Variants in ARFGAP1 observed in about 807,000 individuals in gnomAD.
ARFGAP1 encodes ADP-ribosylation factor GTPase-activating protein 1.
ARFGAP1 carries 26 observed loss-of-function variants against 54.0 expected under a neutral mutation model. The ratio of observed to expected loss-of-function variants is 0.48; its 90% CI spans 0.35 to 0.67. The LOEUF is 0.67. Ranked by LOEUF, ARFGAP1 falls within the 30% of genes least tolerant of loss-of-function variation. ARFGAP1 has a pLI of 0.00. For synonymous variants in ARFGAP1, 248 were observed against 211.9 expected, an observed-to-expected ratio of 1.17 and a Z score of -1.48; for missense variants, 525 against 535.8, an observed-to-expected ratio of 0.98 and a Z score of 0.20.
At chr20:63,275,506 A>G in intron 1 of ARFGAP1, 71 bp from the exon 2 acceptor site, 1 of 1,451,418 alleles carries the variant, frequency 6.9e-7, no homozygotes, top group South Asian at 1.2e-5. Flanking sequence ...GTGTTTTTGG[A>G]CAGACGTTAT....
Position 63,277,816 on chromosome 20 carries a change from C to T in ARFGAP1, c.444-301C>T, listed in dbSNP as rs570529081. 1.2e-3 allele frequency among the ~76,000 whole-genome samples: 178 copies of T among 152,368 alleles called. 1 individual carries two copies. Among genetic ancestry groups the T allele is most frequent in the African/African-American group, 4.0e-3 (165 of 41,584 alleles). On this transcript the variant is annotated intron_variant, in intron 5 of 12. Transcript: ENST00000370283. ...GAAGGCTTTGCACTGCGGGCAACTC[C>T]GGCTTGATTCCAGGCCCTCGGCCCT...
intron 6 of ARFGAP1, 39 bp from the exon 7 acceptor site, chr20:63,278,860 A>T: frequency 6.2e-7 from 1 of 1,606,676 alleles, no homozygotes; most frequent in Non-Finnish European, 8.5e-7. Context: ...AGCAGGGTTC[A>T]TGCCAGCATC....
At chr20:63,279,441 G>A (rs979934666) in intron 7 of ARFGAP1, 15 of 336,144 alleles carry the variant, frequency 4.5e-5, no homozygotes, top group South Asian at 3.0e-4. Context: ...CCTGACTTCA[G>A]GTGATCTGTC....
chr20:63,285,024 CAGCG>C (rs1280866080), intron 10 of ARFGAP1, 102 bp downstream of exon 10: 44 of 1,399,526 alleles, frequency 3.1e-5, no homozygotes, highest in Middle Eastern at 3.5e-4. Context: ...AGCTGGGACT[CAGCG>C]AGGCCAAGCC....
intron 5 of ARFGAP1, 73 bp from the exon 6 acceptor site, chr20:63,278,044 C>CA (rs1307846980): frequency 7.1e-7 from 1 of 1,408,872 alleles, no homozygotes; most frequent in African/African-American, 1.4e-5. Context: ...CCACATGGTT[C>CA]TGGGGGTGCT....
chr20:63,287,693 C>T lies in ARFGAP1; in HGVS notation c.1041C>T (p.Asp347=). Reference sequence around the variant, plus strand: ...AGACCCGCAAGTCCCCGAGCAGCGACAGCTGGACGTGCGCGGACACCTCCA... The same window carrying T: ...AGACCCGCAAGTCCCCGAGCAGCGATAGCTGGACGTGCGCGGACACCTCCA... ...PTKTRKSPSS[D]SWTCADTSTE... The change falls in exon 13 of 13, where the codon GAC becomes GAT. Residue 347 remains aspartate (D), a synonymous_variant. Transcript: ENST00000370283. The T allele has an allele frequency of 3.7e-6, 6 of 1,612,430 alleles. No homozygotes were observed. Among genetic ancestry groups the T allele is most frequent in the African/African-American group, 1.3e-5 (1 of 75,012 alleles).
chr20:63,278,849 G>A (rs2067303500), intron 6 of ARFGAP1, 50 bp from the exon 7 acceptor site: 1 of 1,593,706 alleles, frequency 6.3e-7, no homozygotes, highest in African/African-American at 1.3e-5. Flanking sequence ...CCCTCGGGAG[G>A]AGCAGGGTTC....
chr20:63,274,514 G>A (rs186268540), intron 1 of ARFGAP1, among the ~76,000 whole-genome samples: 26 of 152,252 alleles, frequency 1.7e-4, no homozygotes, highest in Admixed American at 1.7e-3. Flanking sequence ...ACACACGTGT[G>A]TAGCTTCCCA....
intron 1 of ARFGAP1, among the ~76,000 whole-genome samples, chr20:63,274,670 GGA>G (rs1232595797): frequency 3.3e-5 from 5 of 152,178 alleles, no homozygotes; most frequent in African/African-American, 1.2e-4. Flanking sequence ...CCTCCAGGCT[GGA>G]CTATCTTCTA....
chr20:63,284,605 G>A (rs1295170259), intron 9 of ARFGAP1: 8 of 1,337,014 alleles, frequency 6.0e-6, no homozygotes. Flanking sequence ...GCCGCATGGT[G>A]GCGCGTGAGG....
intron 9 of ARFGAP1, chr20:63,284,545 C>T (rs1322229991): frequency 6.1e-5 from 74 of 1,220,114 alleles, no homozygotes; most frequent in Non-Finnish European, 7.1e-5. Flanking sequence ...CGGCGTTGGC[C>T]TCAGGCACAG....
At chr20:63,277,876 A>G (rs1052342342) in intron 5 of ARFGAP1, among the ~76,000 whole-genome samples, 2 of 152,206 alleles carry the variant, frequency 1.3e-5, no homozygotes, top group Non-Finnish European at 2.9e-5. Context: ...TCCTGCCAAC[A>G]GGGAGAGTGC....
At chr20:63,277,035 G>T (rs572926363) in intron 4 of ARFGAP1, among the ~76,000 whole-genome samples, 170 bp from the exon 5 acceptor site, 2 of 152,156 alleles carry the variant, frequency 1.3e-5, no homozygotes, top group African/African-American at 2.4e-5. Context: ...TCCTGGCCTC[G>T]CATCCACACC....
intron 1 of ARFGAP1, chr20:63,273,585 T>C (rs777890509): frequency 6.6e-6 from 1 of 152,246 alleles, no homozygotes; most frequent in Non-Finnish European, 1.5e-5. Flanking sequence ...TTCAAAATAG[T>C]CACGTAGAGG....
At chr20:63,279,104 G>A in intron 7 of ARFGAP1, 109 bp downstream of exon 7, 1 of 1,139,946 alleles carries the variant, frequency 8.8e-7, no homozygotes, top group Non-Finnish European at 1.3e-6. Flanking sequence ...TCTTTGCCTT[G>A]TTCTGATCTA....
At chr20:63,282,466 G>A (rs1459998531) in intron 8 of ARFGAP1, among the ~76,000 whole-genome samples, 7 of 152,238 alleles carry the variant, frequency 4.6e-5, no homozygotes, top group Non-Finnish European at 4.4e-5. Flanking sequence ...TGAAGATAGC[G>A]CTGGTGTGGC....
intron 1 of ARFGAP1, 89 bp from the exon 2 acceptor site, chr20:63,275,488 G>A: frequency 7.7e-7 from 1 of 1,293,560 alleles, no homozygotes; most frequent in Admixed American, 1.9e-5. Flanking sequence ...CAGGTTTTCT[G>A]TTGTGTGGTG....
At position 63,289,313 on chromosome 20, in the gene ARFGAP1, G is replaced by T. The variant is rs766313594; in HGVS notation, c.*1440G>T. ...CAGCCCCCGAGAGCTGAGCGTGGGG[G>T]TCTTTGAGTGTCTTTCTCCAAGCTG... On this transcript the variant is annotated 3_prime_UTR_variant, in exon 13 of 13. Coordinates refer to ENST00000370283, the MANE Select transcript of ARFGAP1 (RefSeq NM_018209.4). 2.6e-5 allele frequency: 4 copies of T among 152,248 alleles called. No individual in the cohort carries two copies. Among genetic ancestry groups the T allele is most frequent in the Non-Finnish European group, 4.4e-5 (3 of 68,108 alleles). 9.4% of individuals were successfully genotyped at this position (152,248 alleles called of 1,614,324 possible).
rs749900168 is a variant in ARFGAP1 at position 63,278,171 on chromosome 20, C to T, written c.498C>T (p.Asp166=). The change falls in exon 6 of 13, where the codon GAC becomes GAT. Residue 166 remains aspartate (D), a synonymous_variant. Coordinates refer to ENST00000370283, the MANE Select transcript of ARFGAP1 (RefSeq NM_018209.4). ...CCTCCTCGGACAAGGCTTTTGAAGA[C>T]TGGCTGAATGATGACCTCGGCTCCT... ...VTASSDKAFE[D]WLNDDLGSYQ... is the part of the protein sequence containing the mutation. 2 of 1,613,748 alleles carry T rather than the reference C, an allele frequency of 1.2e-6. No individual in the cohort carries two copies. Among genetic ancestry groups the T allele is most frequent in the Non-Finnish European group, 1.7e-6 (2 of 1,179,958 alleles).
Sources: gnomAD v4.1 joint callset for allele counts (sites outside exome capture counted in the v4.1 genomes callset) on GRCh38, gnomAD v4.1.1 for gene constraint, MANE v1.5 for transcripts, NCBI Gene and HGNC (gene_info 2026-07-23, HGNC 2026-07-21) for gene names.